FNBP1: variants seen among roughly 807,000 people sequenced by gnomAD.
FNBP1 encodes the protein formin-binding protein 1.
FNBP1 carries 26 observed loss-of-function variants against 90.6 expected under a neutral mutation model. The observed-to-expected ratio is 0.29, with a 90% CI of 0.21 to 0.40. The LOEUF is 0.40. Among genes scored for constraint, FNBP1 ranks in the 10% least tolerant of loss-of-function variants. The pLI, the probability that FNBP1 is intolerant of heterozygous loss-of-function variation, is 1.00. For synonymous variants in FNBP1, 260 were observed against 265.2 expected, an observed-to-expected ratio of 0.98 and a Z score of 0.19; for missense variants, 635 against 768.0, an observed-to-expected ratio of 0.83 and a Z score of 2.05.
chr9:129,963,464 T>C (rs1380266401), intron 4 of FNBP1, among the ~76,000 whole-genome samples: 1 of 152,144 alleles, frequency 6.6e-6, no homozygotes, highest in East Asian at 1.9e-4. Flanking sequence ...GGTGTGCACC[T>C]TGAATTTACT....
chr9:129,937,582 T>C (rs2043671195), intron 6 of FNBP1, among the ~76,000 whole-genome samples: 1 of 51,008 alleles, frequency 2.0e-5, no homozygotes, highest in Non-Finnish European at 5.3e-5. Context: ...AATACAAAAA[T>C]TAGCTGGGTG....
chr9:129,892,054 G>A lies in FNBP1; in HGVS notation c.1847-1508C>T, dbSNP rs112084859. Among the ~76,000 whole-genome samples the A allele has an allele frequency of 6.0e-3, 914 of 152,244 alleles. 6 individuals are homozygous for A. Among genetic ancestry groups the A allele is most frequent in the Middle Eastern group, 0.024 (7 of 294 alleles). On this transcript the variant is annotated intron_variant, in intron 16 of 16. Coordinates refer to ENST00000446176, the MANE Select transcript of FNBP1 (RefSeq NM_015033.3). ...ATAAACTCAAGTGCGGAGCCGCAGC[G>A]GGGACCTAGCTCCCCATGCGAGAGG...
At chr9:129,965,703 C>T (rs1330124569) in intron 4 of FNBP1, among the ~76,000 whole-genome samples, 2 of 106,254 alleles carry the variant, frequency 1.9e-5, no homozygotes, top group Non-Finnish European at 3.8e-5. Context: ...CACACGCGCG[C>T]GCGCGCACAC....
rs747213580 is a variant in FNBP1, at chr9:129,895,973, C to G, written c.1711G>C (p.Val571Leu). 8 of 1,609,474 alleles carry G rather than the reference C, an allele frequency of 5.0e-6. No individual in the cohort carries two copies. The Admixed American group carries it at 1.4e-4, about 27-fold the overall frequency. ...ACATACAATGTTTCTCCTTCAACTA[C>G]GGAAATCGTTCCTTCATTCTGACCT... Reference protein sequence around the residue: ...FEGQNEGTISVVEGETLYVIE... With the variant: ...FEGQNEGTISLVEGETLYVIE... The change falls in exon 16 of 17, where the codon GTA becomes CTA. Residue 571 changes from valine to leucine, a missense_variant. Coordinates refer to ENST00000446176, the MANE Select transcript of FNBP1 (RefSeq NM_015033.3).
intron 15 of FNBP1, 139 bp downstream of exon 15, chr9:129,899,825 AG>A (rs1186124714): frequency 4.7e-6 from 3 of 632,954 alleles, no homozygotes; most frequent in Non-Finnish European, 5.0e-6. Flanking sequence ...GGGAAGGGGA[AG>A]GGAAGGTAGG....
In FNBP1 at chr9:130,034,177, C is replaced by T. The variant is rs529032269; in HGVS notation, c.24+8775G>A. Among the ~76,000 whole-genome samples the T allele has an allele frequency of 4.0e-5, 6 of 149,288 alleles. No homozygotes were observed. In the East Asian group the frequency reaches 1.0e-3, roughly 25 times the overall value. On this transcript the variant is annotated intron_variant, in intron 1 of 16. Transcript: ENST00000446176. ...TCTACTAAAAATACAAAAAATTAGC[C>T]GGGCAAACGCCTGTACTCCCAGCTA...
intron 6 of FNBP1, among the ~76,000 whole-genome samples, chr9:129,951,778 G>C (rs561076297): frequency 4.3e-4 from 65 of 152,140 alleles, no homozygotes; most frequent in African/African-American, 1.5e-3. Context: ...AATTATTTTA[G>C]TATAACCCAG....
At chr9:129,910,202 G>A (rs779154121) in intron 11 of FNBP1, 1 of 456,226 alleles carries the variant, frequency 2.2e-6, no homozygotes, top group South Asian at 1.5e-5. Context: ...GAAATTTCGT[G>A]CTGGGCACGG....
At chr9:129,970,068 GT>G (rs570365365) in intron 4 of FNBP1, among the ~76,000 whole-genome samples, 2 of 140,286 alleles carry the variant, frequency 1.4e-5, no homozygotes, top group Non-Finnish European at 1.6e-5. Flanking sequence ...TTTTGGGTTT[GT>G]TTTTTTTTTG....
chr9:129,992,271 T>C (rs2053286839), intron 2 of FNBP1, among the ~76,000 whole-genome samples: 1 of 152,186 alleles, frequency 6.6e-6, no homozygotes, highest in African/African-American at 2.4e-5. Context: ...CAACATTGCA[T>C]GACTAATAGT....
At chr9:129,926,081 C>T (rs2041867238) in intron 8 of FNBP1, among the ~76,000 whole-genome samples, 1 of 152,000 alleles carries the variant, frequency 6.6e-6, no homozygotes, top group South Asian at 2.1e-4. Context: ...CAGCAATTCT[C>T]GTGCCTCAGC....
intron 4 of FNBP1, among the ~76,000 whole-genome samples, chr9:129,960,339 G>A (rs1293256666): frequency 2.8e-5 from 4 of 141,036 alleles, no homozygotes; most frequent in Admixed American, 1.6e-4. Flanking sequence ...AGCCGAGATC[G>A]CGCTGCTGTA....
intron 2 of FNBP1, among the ~76,000 whole-genome samples, chr9:129,981,080 T>C (rs1463931040): frequency 6.7e-6 from 1 of 148,298 alleles, no homozygotes; most frequent in Non-Finnish European, 1.5e-5. Flanking sequence ...GAAATAGCCA[T>C]AGCATGTTTT....
intron 4 of FNBP1, among the ~76,000 whole-genome samples, chr9:129,959,377 T>C (rs2047448011): frequency 1.3e-5 from 2 of 151,588 alleles, no homozygotes; most frequent in Admixed American, 1.3e-4. Context: ...GATCATGAGG[T>C]CAGGAGTTCA....
chr9:129,889,086 G>A lies in FNBP1; in HGVS notation c.*1453C>T, dbSNP rs879074331. The A allele has an allele frequency of 2.8e-5, 6 of 210,928 alleles. No homozygotes were observed. The highest frequency in any genetic ancestry group is 2.0e-4 in the South Asian group (1 of 5,068). The allele number at this position is 210,928 out of a possible 1,614,324, so 13.1% of individuals were successfully genotyped here. On this transcript the variant is annotated 3_prime_UTR_variant, in exon 17 of 17. Coordinates refer to ENST00000446176, the MANE Select transcript of FNBP1 (RefSeq NM_015033.3). ...TGCTCTGCTCTAAGGCGTGGCGGGG[G>A]GGGGGGGTGGTGGCCACAGATTAGG...
intron 12 of FNBP1, among the ~76,000 whole-genome samples, chr9:129,904,327 G>A (rs775606886): frequency 4.6e-5 from 7 of 152,188 alleles, no homozygotes; most frequent in Non-Finnish European, 1.0e-4. Context: ...TGGTAGCCCG[G>A]GCAGGCATCC....
chr9:129,984,228 G>T (rs2051768933), intron 2 of FNBP1, among the ~76,000 whole-genome samples: 2 of 150,796 alleles, frequency 1.3e-5, no homozygotes, highest in Admixed American at 1.3e-4. Context: ...AACAACAAAA[G>T]GTGAAAAAAT....
intron 1 of FNBP1, among the ~76,000 whole-genome samples, chr9:130,034,734 T>C (rs1024599575): frequency 6.6e-6 from 1 of 152,240 alleles, no homozygotes; most frequent in African/African-American, 2.4e-5. Context: ...GTGTGAGTCA[T>C]TGATTCTCAG....
chr9:129,974,857 A>AG (rs1265267969), intron 4 of FNBP1, among the ~76,000 whole-genome samples: 2 of 150,954 alleles, frequency 1.3e-5, no homozygotes, highest in Admixed American at 1.3e-4. Context: ...GAGACCCTGA[A>AG]GAAAAAAAAA....
Sources: allele counts gnomAD v4.1 joint callset (sites outside exome capture counted in the v4.1 genomes callset), GRCh38; gene constraint gnomAD v4.1.1; transcripts MANE v1.5; gene names NCBI Gene and HGNC (gene_info 2026-07-23, HGNC 2026-07-21).